The following TANC2 variants were observed in gnomAD, a reference collection of about 807,000 sequenced individuals.
TANC2 encodes the protein tetratricopeptide repeat, ankyrin repeat and coiled-coil containing 2.
In TANC2, 26 loss-of-function variants were observed where a neutral mutation model predicts 210.5. The observed-to-expected ratio is 0.12, with a 90% CI of 0.09 to 0.17. The LOEUF (loss-of-function observed/expected upper bound fraction) is 0.17, where lower values mean the gene tolerates loss of function less well. TANC2 is among the 10% of genes least tolerant of loss of function. The pLI is 1.00. For missense variants in TANC2, 2,129 were observed against 2,608.9 expected, an observed-to-expected ratio of 0.82 and a Z score of 4.01; for synonymous variants, 931 against 967.1, an observed-to-expected ratio of 0.96 and a Z score of 0.69.
intron 8 of TANC2, among the ~76,000 whole-genome samples, chr17:63,245,220 A>G (rs937191202): frequency 5.5e-4 from 83 of 152,260 alleles, no homozygotes; most frequent in African/African-American, 1.6e-3. Context: ...CTCAAACTAT[A>G]TCCTGTTCAG....
chr17:63,175,660 G>A (rs893954246), intron 5 of TANC2, among the ~76,000 whole-genome samples: 2 of 151,710 alleles, frequency 1.3e-5, no homozygotes, highest in Non-Finnish European at 2.9e-5. Flanking sequence ...AAAGAAAAAT[G>A]TGCAAAATTG....
chr17:63,286,961 TC>T (rs542494474), intron 9 of TANC2, among the ~76,000 whole-genome samples: 1 of 152,264 alleles, frequency 6.6e-6, no homozygotes, highest in Non-Finnish European at 1.5e-5. Flanking sequence ...CTCTCTGTAC[TC>T]TTTGTTATAC....
At chr17:63,256,222 G>A (rs1448635051) in intron 8 of TANC2, among the ~76,000 whole-genome samples, 1 of 151,964 alleles carries the variant, frequency 6.6e-6, no homozygotes, top group Non-Finnish European at 1.5e-5. Flanking sequence ...CCTTTTTTAT[G>A]TAGGCACTTA....
exon 9 of TANC2, chr17:63,267,757 C>T: frequency 6.2e-7 from 1 of 1,612,648 alleles, no homozygotes. Flanking sequence ...GCCACCAGCT[C>T]TGCCCACTTG....
chr17:63,415,647 C>T, exon 26 of TANC2: 1 of 1,613,788 alleles, frequency 6.2e-7, no homozygotes. Context: ...TCCTCCTCAA[C>T]CTCTCTCGGT....
At position 62,966,663 on chromosome 17, in the gene TANC2, C is replaced by A. The variant is rs908323105; in HGVS notation, c.-110C>A. 3.3e-5 allele frequency among the ~76,000 whole-genome samples: 5 copies of A among 151,676 alleles called. No homozygotes were observed. Among genetic ancestry groups the A allele is most frequent in the Non-Finnish European group, 7.4e-5 (5 of 67,798 alleles). ...TGCGAGGTGCTCCGGGAATCGCGGG[C>A]GGCGCCGGCGGGCGGCGCGGTCCTC... On this transcript the variant is annotated 5_prime_UTR_variant, in exon 1 of 28. Transcript: ENST00000689528. This position sits in a 1 kb window ranked among gnomAD's most constrained non-coding sequence, Gnocchi z 5.1.
At chr17:63,046,828 A>G (rs2035402319) in intron 2 of TANC2, among the ~76,000 whole-genome samples, 1 of 152,172 alleles carries the variant, frequency 6.6e-6, no homozygotes, top group South Asian at 2.1e-4. Context: ...TGAAAAAACA[A>G]ATTTGAGGAA....
chr17:63,363,129 A>G (rs747889458), intron 14 of TANC2, among the ~76,000 whole-genome samples: 32 of 152,234 alleles, frequency 2.1e-4, no homozygotes, highest in Non-Finnish European at 4.3e-4. Flanking sequence ...ATCAGTGATC[A>G]TATACCTGTT....
At chr17:62,988,008 C>T (rs540562000) in intron 1 of TANC2, among the ~76,000 whole-genome samples, 4 of 152,130 alleles carry the variant, frequency 2.6e-5, no homozygotes, top group African/African-American at 7.2e-5. Context: ...CTGCTAAACA[C>T]GATCTTTTTG....
intron 5 of TANC2, among the ~76,000 whole-genome samples, chr17:63,193,460 G>T (rs1044340536): frequency 6.6e-6 from 1 of 152,012 alleles, no homozygotes; most frequent in Non-Finnish European, 1.5e-5. Context: ...TTAGCATTTG[G>T]AGTGGTTTAC....
intron 7 of TANC2, among the ~76,000 whole-genome samples, chr17:63,218,714 G>T (rs1178742152): frequency 1.3e-5 from 2 of 152,066 alleles, no homozygotes; most frequent in African/African-American, 4.8e-5. Context: ...TGGCCAACAT[G>T]GCGAAACCTC....
intron 4 of TANC2, among the ~76,000 whole-genome samples, chr17:63,120,052 TAA>T (rs201238687): frequency 7.1e-6 from 1 of 140,614 alleles, no homozygotes; most frequent in Middle Eastern, 3.7e-3. Context: ...CTCTGTCTCA[TAA>T]AAAAAAAAAA....
At chr17:63,125,760 C>T (rs1438183366) in intron 4 of TANC2, among the ~76,000 whole-genome samples, 1 of 152,160 alleles carries the variant, frequency 6.6e-6, no homozygotes, top group Non-Finnish European at 1.5e-5. Context: ...TATATTGTCA[C>T]ATTGTTATGA....
intron 8 of TANC2, among the ~76,000 whole-genome samples, chr17:63,239,998 G>T (rs1402841503): frequency 1.3e-5 from 2 of 151,992 alleles, no homozygotes; most frequent in African/African-American, 4.8e-5. Context: ...CAGCAAGGGG[G>T]AAGTCTGCCC....
chr17:63,002,739 A>G (rs576939762), intron 1 of TANC2, among the ~76,000 whole-genome samples: 2 of 152,292 alleles, frequency 1.3e-5, no homozygotes, highest in South Asian at 4.1e-4. Flanking sequence ...TAATAATGCA[A>G]TGCATATGCT....
chr17:63,041,754 T>C (rs2035196566), intron 2 of TANC2, among the ~76,000 whole-genome samples: 1 of 152,182 alleles, frequency 6.6e-6, no homozygotes. Context: ...AGAACACTTA[T>C]GAAATATGAA....
intron 7 of TANC2, among the ~76,000 whole-genome samples, chr17:63,222,913 A>T (rs1202748341): frequency 6.6e-6 from 1 of 152,328 alleles, no homozygotes; most frequent in East Asian, 1.9e-4. Flanking sequence ...ATGGATAAAC[A>T]CATGTGGCAT....
At chr17:63,213,258 G>C (rs1207270102) in intron 7 of TANC2, among the ~76,000 whole-genome samples, 1 of 152,152 alleles carries the variant, frequency 6.6e-6, no homozygotes, top group Non-Finnish European at 1.5e-5. Context: ...GTACATCTTA[G>C]CCAACTGTGA....
intron 9 of TANC2, among the ~76,000 whole-genome samples, chr17:63,290,639 G>T (rs1021212219): frequency 6.6e-6 from 1 of 152,006 alleles, no homozygotes; most frequent in Non-Finnish European, 1.5e-5. Flanking sequence ...CCTTATGTCT[G>T]CTGTCTTAAA....
Sources: allele counts gnomAD v4.1 joint callset (sites outside exome capture counted in the v4.1 genomes callset), GRCh38; gene constraint gnomAD v4.1.1; non-coding constraint Gnocchi (gnomAD v3.1); transcripts MANE v1.5; gene names NCBI Gene and HGNC (gene_info 2026-07-23, HGNC 2026-07-21).